HEMK2: variants seen among roughly 807,000 people sequenced by gnomAD.
The protein encoded by HEMK2 is methyltransferase HEMK2.
the HEMK2 span, among the ~76,000 whole-genome samples, chr21:28,611,302 T>C: frequency 6.6e-6 from 1 of 152,170 alleles, no homozygotes; most frequent in Non-Finnish European, 1.5e-5. Context: ...TGAATGATCA[T>C]TGGGTCAATA....
the HEMK2 span, among the ~76,000 whole-genome samples, chr21:28,630,000 A>G: frequency 6.6e-6 from 1 of 152,112 alleles, no homozygotes; most frequent in Admixed American, 6.5e-5. Context: ...TTTGAGAGTC[A>G]TAACTTCACA....
chr21:28,600,944 T>C, the HEMK2 span, among the ~76,000 whole-genome samples: 2 of 152,198 alleles, frequency 1.3e-5, no homozygotes, highest in African/African-American at 4.8e-5. Context: ...TCCTCCATAA[T>C]AACAAATCTC....
At chr21:28,665,895 T>C in the HEMK2 span, among the ~76,000 whole-genome samples, 1 of 152,200 alleles carries the variant, frequency 6.6e-6, no homozygotes, top group Non-Finnish European at 1.5e-5. Flanking sequence ...GTTGCATTTA[T>C]ATATTTGGGT....
the HEMK2 span, among the ~76,000 whole-genome samples, chr21:28,709,028 T>C: frequency 6.6e-6 from 1 of 152,120 alleles, no homozygotes; most frequent in Non-Finnish European, 1.5e-5. Flanking sequence ...TTCTTCCAGG[T>C]TGCAGACTGT....
chr21:28,869,612 C>G, the HEMK2 span, among the ~76,000 whole-genome samples: 1 of 152,196 alleles, frequency 6.6e-6, no homozygotes, highest in Admixed American at 6.5e-5. Context: ...TCGAAAATCT[C>G]TCATGCATAA....
chr21:28,603,545 ATATATGTGTGTG>A, the HEMK2 span, among the ~76,000 whole-genome samples: 17 of 95,646 alleles, frequency 1.8e-4, no homozygotes, highest in African/African-American at 6.4e-4. Context: ...TACTGAGGAT[ATATATGTGTGTG>A]TGTGTGTGTG....
the HEMK2 span, among the ~76,000 whole-genome samples, chr21:28,776,342 C>G: frequency 6.6e-6 from 1 of 152,232 alleles, no homozygotes; most frequent in Non-Finnish European, 1.5e-5. Flanking sequence ...AGTGGCTTAT[C>G]TGCCTGATGA....
At chr21:28,600,475 C>T in the HEMK2 span, among the ~76,000 whole-genome samples, 1 of 152,232 alleles carries the variant, frequency 6.6e-6, no homozygotes, top group African/African-American at 2.4e-5. Flanking sequence ...ACAGCAGGGG[C>T]ACCCTGGGCC....
At chr21:28,788,845 T>C in the HEMK2 span, among the ~76,000 whole-genome samples, 2 of 151,982 alleles carry the variant, frequency 1.3e-5, no homozygotes. Context: ...CTGGATTAGG[T>C]AGGGCCCTAA....
chr21:28,730,395 C>CAG, the HEMK2 span, among the ~76,000 whole-genome samples: 53,538 of 141,262 alleles, frequency 0.38, 12,321 homozygotes, highest in African/African-American at 0.66. Context: ...CACACACACA[C>CAG]ACACACACAC....
the HEMK2 span, among the ~76,000 whole-genome samples, chr21:28,850,217 C>CTTT: frequency 7.4e-3 from 700 of 94,428 alleles, 24 homozygotes; most frequent in East Asian, 0.034. Flanking sequence ...ATTCAGCATT[C>CTTT]TTTTTTTTTT....
At chr21:28,726,621 T>C in the HEMK2 span, among the ~76,000 whole-genome samples, 1 of 152,154 alleles carries the variant, frequency 6.6e-6, no homozygotes, top group East Asian at 1.9e-4. Context: ...CAAAGATTAT[T>C]TTCAGGCCAG....
At chr21:28,596,047 A>G in the HEMK2 span, among the ~76,000 whole-genome samples, 7 of 148,512 alleles carry the variant, frequency 4.7e-5, no homozygotes, top group African/African-American at 1.7e-4. Context: ...GCCTCCCAAT[A>G]TTTTATTTTT....
At chr21:28,834,416 A>C in the HEMK2 span, among the ~76,000 whole-genome samples, 1 of 152,202 alleles carries the variant, frequency 6.6e-6, no homozygotes, top group African/African-American at 2.4e-5. Context: ...TGTTTGCAGG[A>C]GAATTTTCTT....
chr21:28,742,310 A>G, the HEMK2 span, among the ~76,000 whole-genome samples: 1 of 152,216 alleles, frequency 6.6e-6, no homozygotes, highest in African/African-American at 2.4e-5. Flanking sequence ...TTTGCCACAG[A>G]GCACCATTTG....
the HEMK2 span, among the ~76,000 whole-genome samples, chr21:28,785,024 C>G: frequency 6.6e-6 from 1 of 152,130 alleles, no homozygotes; most frequent in East Asian, 1.9e-4. Context: ...CAACTCCAGA[C>G]AGGAGGAACG....
chr21:28,742,734 C>T, the HEMK2 span, among the ~76,000 whole-genome samples: 1 of 151,614 alleles, frequency 6.6e-6, no homozygotes, highest in African/African-American at 2.4e-5. Flanking sequence ...TGTTCTAAAA[C>T]AGTCATGTGC....
chr21:28,701,720 T>C, the HEMK2 span, among the ~76,000 whole-genome samples: 2 of 152,080 alleles, frequency 1.3e-5, no homozygotes, highest in Admixed American at 6.6e-5. Context: ...TGTGCATGGA[T>C]AGGAAGAATC....
chr21:28,831,482 A>AAAGAAGGAAG, the HEMK2 span, among the ~76,000 whole-genome samples: 3 of 54,140 alleles, frequency 5.5e-5, no homozygotes, highest in African/African-American at 2.7e-4. Context: ...AAAGAAAGAA[A>AAAGAAGGAAG]GAAAGAAAGA....
Sources: gnomAD v4.1 joint callset for allele counts (sites outside exome capture counted in the v4.1 genomes callset) on GRCh38, gnomAD v4.1.1 for gene constraint, MANE v1.5 for transcripts, NCBI Gene and HGNC (gene_info 2026-07-23, HGNC 2026-07-21) for gene names.